ATXN10: variants seen among roughly 807,000 people sequenced by gnomAD.
The protein encoded by ATXN10 is ataxin-10.
Under a neutral mutation model 52.9 loss-of-function variants are expected in ATXN10, and 28 were observed. The ratio of observed to expected loss-of-function variants is 0.53; its 90% CI spans 0.39 to 0.73. The LOEUF (loss-of-function observed/expected upper bound fraction) is 0.73. Among genes scored for constraint, ATXN10 ranks in the 30% least tolerant of loss-of-function variants. The probability of loss-of-function intolerance (pLI) is 0.00; values close to 1 mark genes in which losing one functional copy is unlikely to be tolerated. For missense variants in ATXN10, 565 were observed against 577.0 expected, an observed-to-expected ratio of 0.98 and a Z score of 0.21; for synonymous variants, 226 against 221.5, an observed-to-expected ratio of 1.02 and a Z score of -0.18.
chr22:45,695,639 G>A (rs193150576), intron 3 of ATXN10, among the ~76,000 whole-genome samples: 53 of 151,800 alleles, frequency 3.5e-4, no homozygotes, highest in African/African-American at 1.2e-3. Flanking sequence ...GATTACAGGC[G>A]CCTGCCGCCG....
Position 45,740,473 on chromosome 22 carries a change from T to C in ATXN10, c.1108T>C (p.Phe370Leu). The C allele has an allele frequency of 6.2e-7, 1 of 1,613,882 alleles. No homozygotes were observed. Among genetic ancestry groups the C allele is most frequent in the Admixed American group, 1.7e-5 (1 of 59,998 alleles). ...TGACATCTCCAATGTGGCCAATGGG[T>C]TTAAGTCTCATCTCATTCGTCTGAT... is the stretch of plus-strand genomic sequence containing the variant. The part of the protein sequence containing the change: ...EGDISNVANG[F>L]KSHLIRLIGN... Residue 370 changes from phenylalanine (F) to leucine (L), a missense_variant, in exon 9 of 12, where the codon TTT becomes CTT. Phe to Leu is a conservative substitution (Grantham distance 22, BLOSUM62 0). Transcript: ENST00000252934.
intron 9 of ATXN10, among the ~76,000 whole-genome samples, chr22:45,743,231 A>G (rs539551679): frequency 6.6e-6 from 1 of 152,338 alleles, no homozygotes; most frequent in East Asian, 1.9e-4. Flanking sequence ...GTATCAACTC[A>G]AATGCCCTCT....
chr22:45,725,440 T>C (rs1924830168), intron 6 of ATXN10, among the ~76,000 whole-genome samples: 1 of 150,954 alleles, frequency 6.6e-6, no homozygotes, highest in African/African-American at 2.4e-5. Context: ...TAAAAGGGAC[T>C]GTGTTCTTGA....
rs1245655037 is a variant in ATXN10, at chr22:45,732,956, A to G, written c.894+3366A>G. Among the ~76,000 whole-genome samples the G allele has an allele frequency of 6.6e-6, 1 of 152,322 alleles. No individual in the cohort carries two copies. The highest frequency in any genetic ancestry group is 1.9e-4 in the East Asian group (1 of 5,186). ...TAGCATGTGTTTTTTAATTTATGTA[A>G]TTGTTTGGCTTTAAAATCCCAAGGT... On this transcript the variant is annotated intron_variant, in intron 7 of 11. Coordinates refer to ENST00000252934, the MANE Select transcript of ATXN10 (RefSeq NM_013236.4). The surrounding 1 kb of genome is among the most constrained non-coding windows in gnomAD (Gnocchi z 4.5).
chr22:45,802,398 T>C (rs770500081), intron 9 of ATXN10, among the ~76,000 whole-genome samples: 4 of 152,244 alleles, frequency 2.6e-5, no homozygotes, highest in South Asian at 4.1e-4. Flanking sequence ...CACTTGTAGT[T>C]ATAGCAGTAA....
At position 45,770,731 on chromosome 22, in the gene ATXN10, G is replaced by A. The variant is rs1601635506; in HGVS notation, c.1173+30193G>A. On this transcript the variant is annotated intron_variant, in intron 9 of 11. Coordinates refer to ENST00000252934, the MANE Select transcript of ATXN10 (RefSeq NM_013236.4). This position sits in a 1 kb window ranked among gnomAD's most constrained non-coding sequence, Gnocchi z 4.5. ...TGGGCTCAGCCCAGGATCTGAAGAG[G>A]GCTTCTCAAAGAAAGGGGAGCTAAG... Among the ~76,000 whole-genome samples the A allele has an allele frequency of 6.6e-6, 1 of 152,198 alleles. No homozygotes were observed. Among genetic ancestry groups the A allele is most frequent in the Non-Finnish European group, 1.5e-5 (1 of 68,030 alleles).
Position 45,823,217 on chromosome 22 carries a change from A to G in ATXN10, c.1237+16195A>G. On this transcript the variant is annotated intron_variant, in intron 10 of 11. Transcript: ENST00000252934. The surrounding 1 kb of genome is among the most constrained non-coding windows in gnomAD (Gnocchi z 4.9). ...TCCCTCACTGCCAATCCCCAGATGTAACTTCTGTTCTGACTTCTATGATGT... is the reference window on the plus strand; with the variant it reads ...TCCCTCACTGCCAATCCCCAGATGTGACTTCTGTTCTGACTTCTATGATGT... 2.1e-6 allele frequency: 1 copy of G among 471,276 alleles called. No homozygotes were observed. The highest frequency in any genetic ancestry group is 4.4e-6 in the Non-Finnish European group (1 of 227,066). 29.2% of individuals were successfully genotyped at this position (471,276 alleles called of 1,614,324 possible). A position where few individuals can be genotyped will look rare whatever the true frequency, so the allele number is the denominator to read the frequency against.
chr22:45,766,188 G>A lies in ATXN10; in HGVS notation c.1173+25650G>A, dbSNP rs915547431. Among the ~76,000 whole-genome samples, 2 of 152,164 alleles carry A rather than the reference G, an allele frequency of 1.3e-5. No homozygotes were observed. The highest frequency in any genetic ancestry group is 2.9e-5 in the Non-Finnish European group (2 of 68,040). On this transcript the variant is annotated intron_variant, in intron 9 of 11. Coordinates refer to ENST00000252934, the MANE Select transcript of ATXN10 (RefSeq NM_013236.4). This position sits in a 1 kb window ranked among gnomAD's most constrained non-coding sequence, Gnocchi z 4.6. Reference sequence around the variant, plus strand: ...GATATCCGCTACCTTTAGATCAGGGGTTCCCCAATCCCTGGTCCGTGGACT... The same window carrying A: ...GATATCCGCTACCTTTAGATCAGGGATTCCCCAATCCCTGGTCCGTGGACT...
chr22:45,767,866 G>A (rs1926642322), intron 9 of ATXN10, among the ~76,000 whole-genome samples: 1 of 152,164 alleles, frequency 6.6e-6, no homozygotes, highest in Non-Finnish European at 1.5e-5. Flanking sequence ...TCTGTTAGTA[G>A]CAACGTTGGT....
At chr22:45,797,354 C>T (rs866547675) in intron 9 of ATXN10, among the ~76,000 whole-genome samples, 1 of 152,106 alleles carries the variant, frequency 6.6e-6, no homozygotes, top group Non-Finnish European at 1.5e-5. Flanking sequence ...GAACTGAAAA[C>T]ATAGACTATA....
Position 45,702,835 on chromosome 22 carries a change from A to T in ATXN10, c.635A>T (p.Glu212Val). 1 of 1,613,856 alleles carries T rather than the reference A, an allele frequency of 6.2e-7. No individual in the cohort carries two copies. Among genetic ancestry groups the T allele is most frequent in the Non-Finnish European group, 8.5e-7 (1 of 1,179,954 alleles). The change falls in exon 5 of 12, where the codon GAA becomes GTA. Residue 212 changes from glutamate to valine, a missense_variant. Coordinates refer to ENST00000252934, the MANE Select transcript of ATXN10 (RefSeq NM_013236.4). ...ATAGATGCTTACCAAAAACATCCTG[A>T]ATCAGAATGGCCGTAAGTATCTTGT... The part of the protein sequence containing the change: ...DVIDAYQKHP[E>V]SEWPFLIITD...
rs1925187161 is a variant in ATXN10, at chr22:45,733,935, T to C, written c.894+4345T>C. Among the ~76,000 whole-genome samples the C allele has an allele frequency of 6.6e-6, 1 of 152,130 alleles. No homozygotes were observed. Among genetic ancestry groups the C allele is most frequent in the Non-Finnish European group, 1.5e-5 (1 of 68,020 alleles). ...TTCTTCAACTTGCTGTTTTTACTTA[T>C]GATGTAACTTGTACATCTTTGCACT... is the stretch of plus-strand genomic sequence containing the variant. On this transcript the variant is annotated intron_variant, in intron 7 of 11. Transcript: ENST00000252934. This position sits in a 1 kb window ranked among gnomAD's most constrained non-coding sequence, Gnocchi z 4.4.
chr22:45,791,481 C>T (rs1190911504), intron 9 of ATXN10, among the ~76,000 whole-genome samples: 1 of 151,718 alleles, frequency 6.6e-6, no homozygotes, highest in African/African-American at 2.4e-5. Context: ...CTCTAGTTTT[C>T]TGATAATCAA....
At chr22:45,785,600 C>T (rs1927295848) in intron 9 of ATXN10, among the ~76,000 whole-genome samples, 1 of 152,212 alleles carries the variant, frequency 6.6e-6, no homozygotes, top group Non-Finnish European at 1.5e-5. Context: ...CTTCTGTTTG[C>T]AGTAGAGCTT....
intron 9 of ATXN10, among the ~76,000 whole-genome samples, chr22:45,791,889 C>A (rs190932610): frequency 6.6e-6 from 1 of 152,118 alleles, no homozygotes; most frequent in East Asian, 1.9e-4. Flanking sequence ...GGGTGGAACT[C>A]GCTTGAGAGC....
At chr22:45,829,885 T>G (rs113561482) in intron 10 of ATXN10, among the ~76,000 whole-genome samples, 21 of 152,284 alleles carry the variant, frequency 1.4e-4, no homozygotes, top group Admixed American at 8.5e-4. Context: ...AAACTTCATA[T>G]GGAATCCCAA....
intron 6 of ATXN10, among the ~76,000 whole-genome samples, chr22:45,723,194 TATG>T (rs943508261): frequency 2.6e-5 from 4 of 152,122 alleles, no homozygotes; most frequent in African/African-American, 9.7e-5. Context: ...TAGATCCACT[TATG>T]ATAGAGATAT....
At chr22:45,746,206 A>C (rs1430739157) in intron 9 of ATXN10, among the ~76,000 whole-genome samples, 1 of 151,506 alleles carries the variant, frequency 6.6e-6, no homozygotes, top group South Asian at 2.1e-4. Flanking sequence ...CAGTTGTTAA[A>C]CATTCATAAC....
At chr22:45,698,984 C>T (rs549344154) in intron 3 of ATXN10, among the ~76,000 whole-genome samples, 1 of 152,094 alleles carries the variant, frequency 6.6e-6, no homozygotes, top group Admixed American at 6.5e-5. Context: ...TGTTACCACA[C>T]TTGAGGTAAG....
Sources: allele counts gnomAD v4.1 joint callset (sites outside exome capture counted in the v4.1 genomes callset), GRCh38; gene constraint gnomAD v4.1.1; non-coding constraint Gnocchi (gnomAD v3.1); transcripts MANE v1.5; gene names NCBI Gene and HGNC (gene_info 2026-07-23, HGNC 2026-07-21).